The following DAB1 variants were observed in gnomAD, a reference collection of about 807,000 sequenced individuals.
The protein encoded by DAB1 is disabled homolog 1.
DAB1 carries 15 observed loss-of-function variants against 64.6 expected under a neutral mutation model. That is an observed-to-expected ratio of 0.23 (90% confidence interval 0.16 to 0.36). The LOEUF (loss-of-function observed/expected upper bound fraction) is 0.36, where lower values mean the gene tolerates loss of function less well. DAB1 is among the 10% of genes least tolerant of loss of function. The pLI, the probability that DAB1 is intolerant of heterozygous loss-of-function variation, is 1.00. For missense variants in DAB1, 596 were observed against 706.7 expected, an observed-to-expected ratio of 0.84 and a Z score of 1.78; for synonymous variants, 235 against 251.9, an observed-to-expected ratio of 0.93 and a Z score of 0.64.
intron 4 of DAB1, among the ~76,000 whole-genome samples, chr1:58,216,086 T>A (rs1349814457): frequency 6.6e-6 from 1 of 152,156 alleles, no homozygotes; most frequent in Non-Finnish European, 1.5e-5. Context: ...AACTTGCAGG[T>A]TTGTTACATA....
chr1:58,113,693 TC>T (rs1413428323), intron 5 of DAB1, among the ~76,000 whole-genome samples: 2 of 151,976 alleles, frequency 1.3e-5, no homozygotes, highest in Non-Finnish European at 2.9e-5. Context: ...TAAGGGGAGC[TC>T]AAATAGGGGC....
At chr1:57,047,268 G>A (rs1312208407) in intron 9 of DAB1, among the ~76,000 whole-genome samples, 1 of 152,300 alleles carries the variant, frequency 6.6e-6, no homozygotes, top group East Asian at 1.9e-4. Context: ...TGCTTGGTGA[G>A]GTTTCAGTAT....
intron 7 of DAB1, among the ~76,000 whole-genome samples, chr1:57,565,448 T>G (rs546513264): frequency 6.6e-4 from 101 of 152,306 alleles, no homozygotes; most frequent in African/African-American, 2.2e-3. Context: ...GTAAATGGGC[T>G]AAATGCTCCA....
intron 6 of DAB1, among the ~76,000 whole-genome samples, chr1:57,807,352 T>A (rs1464529682): frequency 6.6e-6 from 1 of 152,120 alleles, no homozygotes; most frequent in East Asian, 1.9e-4. Flanking sequence ...AGTTTCATAC[T>A]CAAGAGCAGA....
chr1:58,429,610 G>C (rs538973110), intron 3 of DAB1, among the ~76,000 whole-genome samples: 1 of 152,262 alleles, frequency 6.6e-6, no homozygotes, highest in East Asian at 1.9e-4. Flanking sequence ...GCCAAGAAAG[G>C]GCTTCCTGTG....
intron 4 of DAB1, among the ~76,000 whole-genome samples, chr1:57,077,841 A>ATG (rs753394495): frequency 2.0e-5 from 3 of 151,860 alleles, no homozygotes; most frequent in African/African-American, 7.3e-5. Flanking sequence ...ATGTGTGTGT[A>ATG]TGTGTGTGTG....
chr1:57,135,134 T>C (rs906955886), intron 4 of DAB1, among the ~76,000 whole-genome samples: 11 of 152,214 alleles, frequency 7.2e-5, no homozygotes, highest in Non-Finnish European at 1.5e-4. Context: ...TTAACTATTT[T>C]TCAGTGTGCA....
intron 5 of DAB1, among the ~76,000 whole-genome samples, chr1:58,013,814 G>C (rs980750458): frequency 6.6e-6 from 1 of 152,008 alleles, no homozygotes. Context: ...GTCATGGTGG[G>C]AGTGCTTACA....
chr1:57,198,734 AGTGAC>A (rs1664855297), intron 2 of DAB1, among the ~76,000 whole-genome samples: 1 of 151,930 alleles, frequency 6.6e-6, no homozygotes, highest in South Asian at 2.1e-4. Context: ...TTCCAGAGGA[AGTGAC>A]GTGTAAGCTG....
intron 5 of DAB1, among the ~76,000 whole-genome samples, chr1:57,934,395 G>A (rs1644997309): frequency 6.6e-6 from 1 of 152,110 alleles, no homozygotes; most frequent in Non-Finnish European, 1.5e-5. Context: ...TTTTAGAGGT[G>A]TGCTAAATTA....
intron 5 of DAB1, among the ~76,000 whole-genome samples, chr1:58,093,815 C>G (rs1390351452): frequency 1.3e-5 from 2 of 152,110 alleles, no homozygotes; most frequent in African/African-American, 4.8e-5. Context: ...GGAACGGGAG[C>G]CTAGGATGGG....
intron 7 of DAB1, among the ~76,000 whole-genome samples, chr1:57,512,574 C>T (rs376711523): frequency 6.6e-6 from 1 of 152,168 alleles, no homozygotes; most frequent in East Asian, 1.9e-4. Context: ...AACACAGTAC[C>T]AGCAATTACT....
At position 57,850,685 on chromosome 1, in the gene DAB1, T is replaced by C. The variant is rs1473327188; in HGVS notation, n.88-24230A>G. 3.9e-5 allele frequency among the ~76,000 whole-genome samples: 6 copies of C among 152,330 alleles called. No homozygotes were observed. In the East Asian group the frequency reaches 7.7e-4, roughly 20 times the overall value. On this transcript the variant is annotated intron_variant and non_coding_transcript_variant, in intron 1 of 1. Transcript: ENST00000477280. ...GCCGGGCTGGACCCCTTCCATCTTATGTGACGGCACATTCAATGTGATACA... is the reference window on the plus strand; with the variant it reads ...GCCGGGCTGGACCCCTTCCATCTTACGTGACGGCACATTCAATGTGATACA...
chr1:57,558,119 T>C (rs1170415218), intron 7 of DAB1, among the ~76,000 whole-genome samples: 3 of 152,162 alleles, frequency 2.0e-5, no homozygotes, highest in Non-Finnish European at 2.9e-5. Context: ...TGGGGATGTG[T>C]GGGAGGACCC....
intron 9 of DAB1, among the ~76,000 whole-genome samples, chr1:57,046,792 A>G (rs565867080): frequency 6.6e-6 from 1 of 152,358 alleles, no homozygotes; most frequent in South Asian, 2.1e-4. Flanking sequence ...GGGAACCTGC[A>G]TCTTGGAGGG....
chr1:58,201,303 T>C (rs568361335), intron 4 of DAB1, among the ~76,000 whole-genome samples: 1 of 152,284 alleles, frequency 6.6e-6, no homozygotes, highest in South Asian at 2.1e-4. Context: ...TTTTATTAAT[T>C]AATTCAGTTG....
intron 4 of DAB1, among the ~76,000 whole-genome samples, chr1:57,135,846 A>G (rs1658034188): frequency 6.6e-6 from 1 of 152,194 alleles, no homozygotes; most frequent in Admixed American, 6.5e-5. Context: ...AAAACACTGA[A>G]TAAATATAAG....
intron 2 of DAB1, among the ~76,000 whole-genome samples, chr1:57,195,665 A>G (rs1232577949): frequency 6.6e-6 from 1 of 152,250 alleles, no homozygotes; most frequent in African/African-American, 2.4e-5. Flanking sequence ...CACATGCTCT[A>G]AGTCAGACCA....
intron 3 of DAB1, among the ~76,000 whole-genome samples, chr1:58,448,731 A>C (rs1042932298): frequency 3.3e-5 from 5 of 152,192 alleles, no homozygotes; most frequent in African/African-American, 1.2e-4. Context: ...ATGTCTCAGA[A>C]ATAAGGGGAA....
Sources: allele counts gnomAD v4.1 joint callset (sites outside exome capture counted in the v4.1 genomes callset), GRCh38; gene constraint gnomAD v4.1.1; transcripts MANE v1.5; gene names NCBI Gene and HGNC (gene_info 2026-07-23, HGNC 2026-07-21).